The following EIF2B3 variants were observed in gnomAD, a reference collection of about 807,000 sequenced individuals.
The protein encoded by EIF2B3 is eukaryotic translation initiation factor 2B subunit gamma.
EIF2B3 carries 20 observed loss-of-function variants against 54.1 expected under a neutral mutation model. The observed-to-expected ratio is 0.37, with a 90% CI of 0.26 to 0.54. EIF2B3 has a LOEUF of 0.54. Among genes scored for constraint, EIF2B3 ranks in the 20% least tolerant of loss-of-function variants. The pLI is 0.86. For missense variants in EIF2B3, 448 were observed against 547.8 expected (o/e 0.82, Z 1.82); for synonymous variants, 153 against 188.1 (o/e 0.81, Z 1.52).
intron 6 of EIF2B3, among the ~76,000 whole-genome samples, chr1:44,884,583 C>T (rs1041916711): frequency 5.9e-5 from 9 of 152,128 alleles, no homozygotes; most frequent in African/African-American, 2.2e-4. Context: ...TCTCCTGATC[C>T]TTTGATGAAG....
At chr1:44,942,390 T>TACAC in intron 3 of EIF2B3, among the ~76,000 whole-genome samples, 1 of 14,780 alleles carries the variant, frequency 6.8e-5, no homozygotes, top group South Asian at 2.0e-3. Flanking sequence ...TATATATATA[T>TACAC]ATATATATAT....
At chr1:44,887,268 G>A (rs1655620787) in intron 6 of EIF2B3, among the ~76,000 whole-genome samples, 1 of 152,204 alleles carries the variant, frequency 6.6e-6, no homozygotes, top group African/African-American at 2.4e-5. Flanking sequence ...GAAACTGGTT[G>A]TAAATGGTAA....
chr1:44,948,844 TTTTTC>T (rs755155826), intron 3 of EIF2B3, among the ~76,000 whole-genome samples: 114 of 150,484 alleles, frequency 7.6e-4, no homozygotes, highest in East Asian at 5.7e-3. Flanking sequence ...CAATGTTAAC[TTTTTC>T]TTTTCTTTTC....
At chr1:44,926,452 C>G (rs1330875918) in intron 5 of EIF2B3, among the ~76,000 whole-genome samples, 176 bp downstream of exon 5, 1 of 152,094 alleles carries the variant, frequency 6.6e-6, no homozygotes, top group Non-Finnish European at 1.5e-5. Flanking sequence ...GACAGGGAAA[C>G]AGGCTTATGC....
At chr1:44,874,470 CTGTT>C (rs1655056379) in intron 10 of EIF2B3, 2 of 580,618 alleles carry the variant, frequency 3.4e-6, no homozygotes, top group Non-Finnish European at 6.0e-6. Flanking sequence ...TGATCTTTCT[CTGTT>C]TGGTTTATTT....
Position 44,954,685 on chromosome 1 carries a change from C to T in EIF2B3, c.295-13020G>A, listed in dbSNP as rs540265162. Among the ~76,000 whole-genome samples, 4 of 152,312 alleles carry T rather than the reference C, an allele frequency of 2.6e-5. No homozygotes were observed. In the South Asian group the frequency reaches 8.3e-4, roughly 32 times the overall value. ...TCATCTGCAAATAGAGACAATTTGA[C>T]TTCCTCTCTTCCTATTTGAATACCT... On this transcript the variant is annotated intron_variant, in intron 3 of 11. Transcript: ENST00000360403.
At chr1:44,948,316 A>T (rs1191695001) in intron 3 of EIF2B3, among the ~76,000 whole-genome samples, 1 of 152,130 alleles carries the variant, frequency 6.6e-6, no homozygotes, top group African/African-American at 2.4e-5. Context: ...CCAGGATGGA[A>T]GTCCTTCCTC....
chr1:44,898,274 G>T (rs1317852008), intron 5 of EIF2B3, among the ~76,000 whole-genome samples: 1 of 152,132 alleles, frequency 6.6e-6, no homozygotes, highest in African/African-American at 2.4e-5. Context: ...ACTGACAACA[G>T]TGAAGTTTGT....
chr1:44,927,666 A>G (rs974977408), intron 4 of EIF2B3, among the ~76,000 whole-genome samples: 2 of 152,156 alleles, frequency 1.3e-5, no homozygotes, highest in Non-Finnish European at 2.9e-5. Flanking sequence ...CGTTTAAACA[A>G]GGTCTGTATG....
At chr1:44,939,987 G>A (rs1557695536) in intron 4 of EIF2B3, among the ~76,000 whole-genome samples, 1 of 151,998 alleles carries the variant, frequency 6.6e-6, no homozygotes, top group Non-Finnish European at 1.5e-5. Context: ...ACTATATGAA[G>A]AACAAAAAGA....
At chr1:44,902,067 C>T (rs988479596) in intron 5 of EIF2B3, among the ~76,000 whole-genome samples, 1 of 152,064 alleles carries the variant, frequency 6.6e-6, no homozygotes, top group African/African-American at 2.4e-5. Flanking sequence ...CTATCCTTTT[C>T]CTGTTGAGTT....
intron 4 of EIF2B3, among the ~76,000 whole-genome samples, chr1:44,937,716 T>G (rs893668151): frequency 6.6e-6 from 1 of 151,352 alleles, no homozygotes; most frequent in African/African-American, 2.4e-5. Flanking sequence ...ACCCCGTCTC[T>G]ACTAAAAAAC....
chr1:44,853,256 G>A (rs528808341), intron 11 of EIF2B3, among the ~76,000 whole-genome samples: 1 of 152,184 alleles, frequency 6.6e-6, no homozygotes, highest in South Asian at 2.1e-4. Context: ...TATCTGGCAT[G>A]TTGGGGTTGA....
At position 44,881,372 on chromosome 1, in the gene EIF2B3, C is replaced by T. The variant is rs1004338921; in HGVS notation, c.784+240G>A. On this transcript the variant is annotated intron_variant, in intron 7 of 11. Transcript: ENST00000360403. This position sits in a 1 kb window ranked among gnomAD's most constrained non-coding sequence, Gnocchi z 4.0. ...AGTGAGGAACACAGCCAAACCAGAG[C>T]TATGAATCAGAGAATGGGGCTGGAG... Among the ~76,000 whole-genome samples, 1 of 152,202 alleles carries T rather than the reference C, an allele frequency of 6.6e-6. No homozygotes were observed. The highest frequency in any genetic ancestry group is 2.4e-5 in the African/African-American group (1 of 41,446).
intron 5 of EIF2B3, among the ~76,000 whole-genome samples, chr1:44,917,102 T>C (rs980811759): frequency 5.9e-5 from 9 of 152,284 alleles, no homozygotes; most frequent in East Asian, 3.9e-4. Context: ...ATTTGCTTTT[T>C]GCCTCTGGAT....
rs542867912 is a variant in EIF2B3 at position 44,879,056 on chromosome 1, C to T, written c.975+762G>A. Among the ~76,000 whole-genome samples, 3 of 152,256 alleles carry T rather than the reference C, an allele frequency of 2.0e-5. No individual in the cohort carries two copies. The East Asian group carries it at 5.8e-4, about 29-fold the overall frequency. ...GATTATAGGCGTAAGACACCGTGCCCGGACTCTTTTCTTATTCTCATCTAA... is the reference window on the plus strand; with the variant it reads ...GATTATAGGCGTAAGACACCGTGCCTGGACTCTTTTCTTATTCTCATCTAA... On this transcript the variant is annotated intron_variant, in intron 8 of 11. Coordinates refer to ENST00000360403, the MANE Select transcript of EIF2B3 (RefSeq NM_020365.5).
chr1:44,906,643 G>A (rs1367856161), intron 5 of EIF2B3, among the ~76,000 whole-genome samples: 3 of 151,856 alleles, frequency 2.0e-5, no homozygotes, highest in Non-Finnish European at 4.4e-5. Flanking sequence ...CAGGTGATCC[G>A]CCCACCTCGG....
intron 3 of EIF2B3, among the ~76,000 whole-genome samples, chr1:44,974,166 T>C (rs1004582764): frequency 1.3e-5 from 2 of 149,986 alleles, no homozygotes; most frequent in African/African-American, 5.1e-5. Flanking sequence ...GCCAGGGCAA[T>C]GAGACAATTT....
At chr1:44,919,540 C>G (rs1387954604) in intron 5 of EIF2B3, among the ~76,000 whole-genome samples, 2 of 152,062 alleles carry the variant, frequency 1.3e-5, no homozygotes, top group Non-Finnish European at 2.9e-5. Context: ...TGAAACACAT[C>G]ACATGTTGTG....
Sources: gnomAD v4.1 joint callset for allele counts (sites outside exome capture counted in the v4.1 genomes callset) on GRCh38, gnomAD v4.1.1 for gene constraint, Gnocchi (gnomAD v3.1) non-coding constraint, MANE v1.5 for transcripts, NCBI Gene and HGNC (gene_info 2026-07-23, HGNC 2026-07-21) for gene names.